The following CEP128 variants were observed in gnomAD, a reference collection of about 807,000 sequenced individuals.
CEP128 encodes centrosomal protein 128, also known as centrosomal protein 128kDa.
In CEP128, 132 loss-of-function variants were observed where a neutral mutation model predicts 156.7. The observed-to-expected ratio is 0.84, with a 90% CI of 0.73 to 0.97. CEP128 has a LOEUF of 0.97. Among genes scored for constraint, CEP128 ranks in the 50% least tolerant of loss-of-function variants. CEP128 has a pLI of 0.00. For missense variants in CEP128, 1,252 were observed against 1,281.9 expected (o/e 0.98, Z 0.36); for synonymous variants, 469 against 448.9 (o/e 1.04, Z -0.57).
intron 13 of CEP128, among the ~76,000 whole-genome samples, chr14:80,796,448 A>C (rs114538296): frequency 0.015 from 2,344 of 151,838 alleles, 31 homozygotes; most frequent in African/African-American, 0.027. Context: ...CCACACAGCG[A>C]GATTCAGTCC....
chr14:80,623,629 G>A (rs1043564567), intron 19 of CEP128, among the ~76,000 whole-genome samples: 1 of 150,798 alleles, frequency 6.6e-6, no homozygotes, highest in African/African-American at 2.4e-5. Context: ...CAAAAAAAAA[G>A]GAAATAGGTC....
At chr14:80,931,760 GAAT>G (rs1885481285) in intron 2 of CEP128, among the ~76,000 whole-genome samples, 1 of 152,164 alleles carries the variant, frequency 6.6e-6, no homozygotes, top group South Asian at 2.1e-4. Flanking sequence ...GAGAAAACTA[GAAT>G]TATGGGGGCA....
intron 2 of CEP128, among the ~76,000 whole-genome samples, chr14:80,948,140 A>G (rs555260248): frequency 2.6e-5 from 4 of 152,294 alleles, no homozygotes; most frequent in African/African-American, 9.6e-5. Flanking sequence ...TTCTCTCTCA[A>G]TCAAGTCAGT....
At chr14:80,520,258 A>T (rs1219248180) in intron 23 of CEP128, among the ~76,000 whole-genome samples, 1 of 152,088 alleles carries the variant, frequency 6.6e-6, no homozygotes, top group Non-Finnish European at 1.5e-5. Context: ...ATCTCCACTA[A>T]AAATACAAAA....
At chr14:80,583,110 T>C (rs901078833) in intron 19 of CEP128, among the ~76,000 whole-genome samples, 4 of 152,178 alleles carry the variant, frequency 2.6e-5, no homozygotes, top group African/African-American at 9.7e-5. Context: ...CAGAACTTCA[T>C]AAAATTATAG....
At chr14:80,782,419 C>T (rs1051091900) in intron 15 of CEP128, among the ~76,000 whole-genome samples, 1 of 152,302 alleles carries the variant, frequency 6.6e-6, no homozygotes, top group East Asian at 1.9e-4. Context: ...CCTTTGCCCA[C>T]AATCTTTGTT....
At chr14:80,514,586 C>A in intron 23 of CEP128, 1 of 259,192 alleles carries the variant, frequency 3.9e-6, no homozygotes, top group Non-Finnish European at 8.1e-6. Context: ...TTATTTCAAT[C>A]TCTTTGTTAA....
chr14:80,627,111 G>A lies in CEP128; in HGVS notation c.2807-46688C>T, dbSNP rs1893761617. On this transcript the variant is annotated intron_variant, in intron 19 of 24. Coordinates refer to ENST00000555265, the MANE Select transcript of CEP128 (RefSeq NM_152446.5). ...GGGTACATGGAGATTCTGGGAAACTGGTAACAGAAAATGCCCTGATTTTTA... is the reference window on the plus strand; with the variant it reads ...GGGTACATGGAGATTCTGGGAAACTAGTAACAGAAAATGCCCTGATTTTTA... 1.3e-5 allele frequency among the ~76,000 whole-genome samples: 2 copies of A among 152,218 alleles called. 1 individual carries two copies. The highest frequency in any genetic ancestry group is 4.1e-4 in the South Asian group (2 of 4,822).
At chr14:80,674,033 C>A (rs1203173592) in intron 19 of CEP128, among the ~76,000 whole-genome samples, 1 of 150,866 alleles carries the variant, frequency 6.6e-6, no homozygotes, top group Non-Finnish European at 1.5e-5. Flanking sequence ...GTTTCTTAGA[C>A]AAAAGAATTT....
At chr14:80,479,013 G>A (rs1417427329) in intron 14 of CEP128, among the ~76,000 whole-genome samples, 1 of 152,156 alleles carries the variant, frequency 6.6e-6, no homozygotes, top group Non-Finnish European at 1.5e-5. Context: ...CATTTATGAT[G>A]AGCCTGTGTG....
chr14:80,667,214 A>T (rs1895652664), intron 19 of CEP128, among the ~76,000 whole-genome samples: 1 of 152,344 alleles, frequency 6.6e-6, no homozygotes, highest in East Asian at 1.9e-4. Flanking sequence ...GGGTACAGAC[A>T]TTAGAAGGCA....
chr14:80,551,141 G>T (rs1890192143), intron 21 of CEP128, among the ~76,000 whole-genome samples: 1 of 152,092 alleles, frequency 6.6e-6, no homozygotes, highest in African/African-American at 2.4e-5. Flanking sequence ...GCCCTACAAA[G>T]TTCTCTTTTG....
At chr14:80,687,194 T>C (rs1030408499) in intron 19 of CEP128, among the ~76,000 whole-genome samples, 15 of 152,072 alleles carry the variant, frequency 9.9e-5, no homozygotes, top group African/African-American at 3.4e-4. Context: ...CCTCAGCAAA[T>C]GCAAAAGAAC....
chr14:80,745,172 C>G (rs891421028), intron 18 of CEP128, among the ~76,000 whole-genome samples: 6 of 152,060 alleles, frequency 3.9e-5, no homozygotes, highest in Non-Finnish European at 7.4e-5. Flanking sequence ...CTCAGGAGAT[C>G]TGGTCGTTTA....
intron 19 of CEP128, among the ~76,000 whole-genome samples, chr14:80,671,679 T>A (rs1895847932): frequency 6.6e-6 from 1 of 152,174 alleles, no homozygotes; most frequent in Admixed American, 6.5e-5. Context: ...TGTGTACAAT[T>A]CAAACTGAAA....
At chr14:80,854,848 G>A (rs1015924755) in intron 9 of CEP128, among the ~76,000 whole-genome samples, 1 of 151,792 alleles carries the variant, frequency 6.6e-6, no homozygotes, top group Non-Finnish European at 1.5e-5. Flanking sequence ...TCAAATACTA[G>A]AAATGAAAAG....
At chr14:80,687,912 A>G (rs1896582584) in intron 19 of CEP128, among the ~76,000 whole-genome samples, 1 of 152,156 alleles carries the variant, frequency 6.6e-6, no homozygotes. Context: ...CAGGTGCCAA[A>G]AATAAAATAT....
At chr14:80,762,673 A>G (rs539119949) in intron 16 of CEP128, among the ~76,000 whole-genome samples, 2 of 152,312 alleles carry the variant, frequency 1.3e-5, no homozygotes, top group Admixed American at 1.3e-4. Context: ...CTCATGCCTC[A>G]TCTTCCTCCT....
At chr14:80,704,645 G>C (rs77112445) in intron 19 of CEP128, among the ~76,000 whole-genome samples, 1 of 145,902 alleles carries the variant, frequency 6.9e-6, no homozygotes, top group East Asian at 2.3e-4. Flanking sequence ...ACATTTTTAC[G>C]CTTGAAACAT....
Sources: allele counts gnomAD v4.1 joint callset (sites outside exome capture counted in the v4.1 genomes callset), GRCh38; gene constraint gnomAD v4.1.1; transcripts MANE v1.5; gene names NCBI Gene and HGNC (gene_info 2026-07-23, HGNC 2026-07-21).